LRRC4C: variants seen among roughly 807,000 people sequenced by gnomAD.
The protein encoded by LRRC4C is leucine-rich repeat-containing protein 4C.
In LRRC4C, 5 loss-of-function variants were observed where a neutral mutation model predicts 33.6. The ratio of observed to expected loss-of-function variants is 0.15; its 90% CI spans 0.08 to 0.31. The LOEUF (loss-of-function observed/expected upper bound fraction) is 0.31, where lower values mean the gene tolerates loss of function less well. Among genes scored for constraint, LRRC4C ranks in the 10% least tolerant of loss-of-function variants. The probability of loss-of-function intolerance (pLI) is 1.00; values close to 1 mark genes in which losing one functional copy is unlikely to be tolerated. For missense variants in LRRC4C, 560 were observed against 796.7 expected (o/e 0.70, Z 3.58); for synonymous variants, 329 against 302.0 (o/e 1.09, Z -0.93).
chr11:40,931,891 C>T (rs940955835), intron 2 of LRRC4C, among the ~76,000 whole-genome samples: 4 of 151,732 alleles, frequency 2.6e-5, no homozygotes, highest in African/African-American at 7.3e-5. Context: ...TAAAGTTGTC[C>T]GAGTAATGTC....
chr11:40,473,308 C>T (rs372322008), intron 3 of LRRC4C, among the ~76,000 whole-genome samples: 1 of 152,136 alleles, frequency 6.6e-6, no homozygotes, highest in Admixed American at 6.5e-5. Context: ...ATACATAAAT[C>T]GATAAATGTA....
intron 5 of LRRC4C, among the ~76,000 whole-genome samples, chr11:40,238,054 T>G (rs973654008): frequency 6.6e-6 from 1 of 152,180 alleles, no homozygotes; most frequent in Non-Finnish European, 1.5e-5. Context: ...ACTGCTTTGT[T>G]CAGTGGAACT....
intron 5 of LRRC4C, among the ~76,000 whole-genome samples, chr11:40,200,606 G>C (rs763315970): frequency 2.0e-5 from 3 of 151,634 alleles, no homozygotes; most frequent in Non-Finnish European, 4.4e-5. Flanking sequence ...GCTACACAGA[G>C]AGATGAAGAA....
At chr11:40,566,610 T>C (rs1257134850) in intron 3 of LRRC4C, among the ~76,000 whole-genome samples, 2 of 152,122 alleles carry the variant, frequency 1.3e-5, no homozygotes, top group African/African-American at 4.8e-5. Flanking sequence ...ATAATGGAAC[T>C]AGACAAGAAG....
At chr11:40,431,020 C>T (rs1298882475) in intron 3 of LRRC4C, among the ~76,000 whole-genome samples, 2 of 145,952 alleles carry the variant, frequency 1.4e-5, no homozygotes, top group Admixed American at 6.9e-5. Flanking sequence ...GTGGGTGCAG[C>T]GCACCAGCAT....
At chr11:40,308,821 A>G (rs1311159348) in intron 4 of LRRC4C, among the ~76,000 whole-genome samples, 3 of 152,188 alleles carry the variant, frequency 2.0e-5, no homozygotes, top group African/African-American at 7.2e-5. Context: ...GATAGATTCT[A>G]TGTTTCAGCT....
chr11:41,166,019 GA>G (rs1206211588), intron 1 of LRRC4C, among the ~76,000 whole-genome samples: 6 of 143,738 alleles, frequency 4.2e-5, no homozygotes, highest in Non-Finnish European at 7.5e-5. Flanking sequence ...CAACAAGAGC[GA>G]AATTCTGTCA....
chr11:41,357,130 AAGAC>A (rs767052014), intron 1 of LRRC4C, among the ~76,000 whole-genome samples: 11 of 152,264 alleles, frequency 7.2e-5, no homozygotes, highest in East Asian at 1.9e-4. Flanking sequence ...TTTAAAAAGA[AAGAC>A]AGAAAGAGAA....
chr11:41,090,728 A>G (rs568838326), intron 1 of LRRC4C, among the ~76,000 whole-genome samples: 4 of 152,202 alleles, frequency 2.6e-5, no homozygotes, highest in East Asian at 3.9e-4. Flanking sequence ...AGTTTCCCCT[A>G]TGATGTTCCT....
intron 3 of LRRC4C, among the ~76,000 whole-genome samples, chr11:40,513,288 C>T (rs140930045): frequency 1.1e-3 from 165 of 149,350 alleles, no homozygotes; most frequent in African/African-American, 3.9e-3. Context: ...AGAAAAAAAT[C>T]CACTCTAACA....
chr11:41,075,889 T>C (rs1017914636), intron 1 of LRRC4C, among the ~76,000 whole-genome samples: 6 of 152,204 alleles, frequency 3.9e-5, no homozygotes, highest in African/African-American at 1.4e-4. Context: ...TAGTAACCTC[T>C]GATTCAATAA....
At chr11:40,205,237 G>A (rs946463389) in intron 5 of LRRC4C, among the ~76,000 whole-genome samples, 27 of 152,098 alleles carry the variant, frequency 1.8e-4, no homozygotes, top group African/African-American at 5.6e-4. Flanking sequence ...TGTTTTACCT[G>A]AGAAAAATAA....
At chr11:40,405,176 G>A (rs1048862521) in intron 3 of LRRC4C, among the ~76,000 whole-genome samples, 9 of 150,832 alleles carry the variant, frequency 6.0e-5, no homozygotes, top group African/African-American at 2.2e-4. Context: ...ATACAAATGA[G>A]CTCATGCAAT....
At chr11:40,217,976 T>C (rs1006811506) in intron 5 of LRRC4C, among the ~76,000 whole-genome samples, 16 of 152,112 alleles carry the variant, frequency 1.1e-4, no homozygotes, top group African/African-American at 3.4e-4. Context: ...ATCAGATTCG[T>C]TTTAAAAATG....
chr11:40,789,847 AAT>A (rs1421928648), intron 2 of LRRC4C, among the ~76,000 whole-genome samples: 1 of 152,228 alleles, frequency 6.6e-6, no homozygotes, highest in Non-Finnish European at 1.5e-5. Flanking sequence ...TACAGCACAT[AAT>A]AGAGTCACAC....
intron 5 of LRRC4C, among the ~76,000 whole-genome samples, chr11:40,231,984 A>G (rs970577415): frequency 1.3e-5 from 2 of 152,170 alleles, no homozygotes; most frequent in South Asian, 2.1e-4. Flanking sequence ...ATGGAAACAG[A>G]AGAGTCAACT....
At chr11:41,333,217 A>G (rs2137392236) in intron 1 of LRRC4C, among the ~76,000 whole-genome samples, 1 of 152,332 alleles carries the variant, frequency 6.6e-6, no homozygotes, top group African/African-American at 2.4e-5. Flanking sequence ...ATCAAGGCAT[A>G]ATGTCTATTA....
chr11:40,929,241 C>T (rs1011635338), intron 2 of LRRC4C, among the ~76,000 whole-genome samples: 1 of 152,124 alleles, frequency 6.6e-6, no homozygotes, highest in African/African-American at 2.4e-5. Flanking sequence ...ATATGGCCAT[C>T]CATGCCACAT....
chr11:41,269,798 C>T (rs958393387), intron 1 of LRRC4C, among the ~76,000 whole-genome samples: 1 of 152,070 alleles, frequency 6.6e-6, no homozygotes, highest in South Asian at 2.1e-4. Flanking sequence ...TCTCTGTAAC[C>T]AACTATTGCC....
Sources: gnomAD v4.1 joint callset for allele counts (sites outside exome capture counted in the v4.1 genomes callset) on GRCh38, gnomAD v4.1.1 for gene constraint, MANE v1.5 for transcripts, NCBI Gene and HGNC (gene_info 2026-07-23, HGNC 2026-07-21) for gene names.